Variants in PPP1R1C observed in about 807,000 individuals in gnomAD.
PPP1R1C encodes protein phosphatase 1 regulatory subunit 1C.
A neutral mutation model predicts 17.4 loss-of-function variants in PPP1R1C; 15 were observed. The ratio of observed to expected loss-of-function variants is 0.86; its 90% CI spans 0.58 to 1.33. PPP1R1C has a LOEUF of 1.33. Among genes scored for constraint, PPP1R1C ranks in the 40% most tolerant of loss-of-function variants. The pLI is 0.00. For synonymous variants in PPP1R1C, 35 were observed against 43.1 expected (o/e 0.81, Z 0.73); for missense variants, 143 against 130.0 (o/e 1.10, Z -0.48).
chr2:182,041,819 A>G (rs2125179957), intron 2 of PPP1R1C, among the ~76,000 whole-genome samples: 1 of 152,250 alleles, frequency 6.6e-6, no homozygotes, highest in Middle Eastern at 3.4e-3. Context: ...ACAAAATGTC[A>G]TCATGTTTGC....
chr2:182,020,108 T>C (rs16822346), intron 2 of PPP1R1C, among the ~76,000 whole-genome samples: 8,563 of 152,288 alleles, frequency 0.056, 832 homozygotes, highest in African/African-American at 0.19. Context: ...AGGAGATTGC[T>C]GATGACTGTA....
chr2:182,116,005 C>T (rs550132329), intron 4 of PPP1R1C, among the ~76,000 whole-genome samples: 1 of 152,184 alleles, frequency 6.6e-6, no homozygotes, highest in Admixed American at 6.5e-5. Context: ...CAGAAAGTTT[C>T]AGCTACTCTG....
intron 4 of PPP1R1C, among the ~76,000 whole-genome samples, chr2:182,084,675 A>G (rs1275266556): frequency 6.6e-6 from 1 of 152,160 alleles, no homozygotes; most frequent in Non-Finnish European, 1.5e-5. Context: ...GCCTTGTAGT[A>G]TAATTTGAAG....
At chr2:182,064,183 G>A (rs1467514814) in intron 4 of PPP1R1C, 2 of 202,236 alleles carry the variant, frequency 9.9e-6, no homozygotes, top group African/African-American at 2.3e-5. Context: ...ATTTCAGGGA[G>A]ACTGAGGATG....
At chr2:182,088,533 G>A (rs1313429462) in intron 4 of PPP1R1C, among the ~76,000 whole-genome samples, 1 of 152,190 alleles carries the variant, frequency 6.6e-6, no homozygotes, top group African/African-American at 2.4e-5. Context: ...ATCAGAGTTT[G>A]TGGGTAGCAG....
chr2:182,045,964 T>G (rs552471459), intron 2 of PPP1R1C, among the ~76,000 whole-genome samples: 1 of 152,272 alleles, frequency 6.6e-6, no homozygotes, highest in Non-Finnish European at 1.5e-5. Flanking sequence ...ATATTTAAAA[T>G]ATACAACATG....
intron 4 of PPP1R1C, among the ~76,000 whole-genome samples, chr2:182,107,265 G>A (rs1226964138): frequency 4.6e-5 from 7 of 151,912 alleles, no homozygotes; most frequent in South Asian, 4.2e-4. Context: ...AAGTAGAGAC[G>A]TCAGAATTTG....
chr2:182,040,264 C>G (rs1295779623), intron 2 of PPP1R1C, among the ~76,000 whole-genome samples: 1 of 152,200 alleles, frequency 6.6e-6, no homozygotes, highest in East Asian at 1.9e-4. Context: ...GTTTACATCC[C>G]CACCAGCAGT....
chr2:181,967,130 G>A lies in PPP1R1C; in HGVS notation n.112-8089G>A, dbSNP rs1684918028. ...GTCTCTAATCATCCTTTGAATTTCT[G>A]TGTTATTTGTTGTAATGTCTTCTTT... On this transcript the variant is annotated intron_variant and non_coding_transcript_variant, in intron 1 of 5. Transcript: ENST00000464264. The surrounding 1 kb of genome is among the most constrained non-coding windows in gnomAD (Gnocchi z 5.5). 6.6e-6 allele frequency among the ~76,000 whole-genome samples: 1 copy of A among 152,100 alleles called. No individual in the cohort carries two copies. The highest frequency in any genetic ancestry group is 6.5e-5 in the Admixed American group (1 of 15,282).
chr2:182,050,987 C>A (rs1171972990), intron 2 of PPP1R1C, among the ~76,000 whole-genome samples: 17 of 152,218 alleles, frequency 1.1e-4, no homozygotes, highest in African/African-American at 4.1e-4. Context: ...CAGACAAAAA[C>A]AAAACAACAG....
At chr2:181,988,759 A>AG (rs1323121093) in intron 2 of PPP1R1C, among the ~76,000 whole-genome samples, 5 of 152,220 alleles carry the variant, frequency 3.3e-5, no homozygotes, top group Non-Finnish European at 7.3e-5. Context: ...AGGGTGAAAT[A>AG]GTCCTTGACT....
Position 181,957,853 on chromosome 2 carries a change from A to G in PPP1R1C, n.111+3219A>G, listed in dbSNP as rs1684697126. Among the ~76,000 whole-genome samples, 1 of 152,184 alleles carries G rather than the reference A, an allele frequency of 6.6e-6. No homozygotes were observed. Among genetic ancestry groups the G allele is most frequent in the Non-Finnish European group, 1.5e-5 (1 of 68,036 alleles). Reference sequence around the variant, plus strand: ...GGATGACTGCATTGCTAATCTTGCCATTGCATTTCGCTAAAGTGCAAATAA... The same window carrying G: ...GGATGACTGCATTGCTAATCTTGCCGTTGCATTTCGCTAAAGTGCAAATAA... On this transcript the variant is annotated intron_variant and non_coding_transcript_variant, in intron 1 of 5. Coordinates refer to the PPP1R1C transcript ENST00000464264. The surrounding 1 kb of genome is among the most constrained non-coding windows in gnomAD (Gnocchi z 4.2).
chr2:181,977,070 G>T (rs1395776595), intron 2 of PPP1R1C, among the ~76,000 whole-genome samples: 1 of 141,516 alleles, frequency 7.1e-6, no homozygotes, highest in Non-Finnish European at 1.5e-5. Context: ...CCAGGTGGAG[G>T]TTGCAGTGAG....
intron 4 of PPP1R1C, among the ~76,000 whole-genome samples, chr2:182,066,261 C>A (rs1687979572): frequency 6.6e-6 from 1 of 152,074 alleles, no homozygotes; most frequent in Non-Finnish European, 1.5e-5. Context: ...GAAACTAATA[C>A]AGTACTGTCA....
At chr2:182,025,221 ATTATAC>A (rs1426782844) in intron 2 of PPP1R1C, among the ~76,000 whole-genome samples, 1 of 147,576 alleles carries the variant, frequency 6.8e-6, no homozygotes, top group African/African-American at 2.5e-5. Context: ...ATTTATTTTT[ATTATAC>A]TTTAAGTTTT....
At chr2:182,119,476 A>G (rs369378612), downstream of PPP1R1C, among the ~76,000 whole-genome samples, 4 of 152,316 alleles carry the variant, frequency 2.6e-5, no homozygotes, top group South Asian at 4.1e-4. Context: ...CTGAGGAATC[A>G]CCACACTGAC....
chr2:182,002,927 A>ACCCC (rs200353111), intron 2 of PPP1R1C, among the ~76,000 whole-genome samples: 226 of 90,890 alleles, frequency 2.5e-3, no homozygotes, highest in Non-Finnish European at 3.9e-3. Context: ...GATGCCATAA[A>ACCCC]CCTCCCCCCC....
chr2:182,117,520 A>C lies in PPP1R1C; in HGVS notation c.*225A>C. On this transcript the variant is annotated 3_prime_UTR_variant, in exon 5 of 5. Transcript: ENST00000682840. The stretch of plus-strand genomic sequence containing the variant: ...ATTAAAGAATAAGCATTTATTTTAC[A>C]GTGATTCTTCTTTTTAACTATGTAA... 1 of 420,528 alleles carries C rather than the reference A, an allele frequency of 2.4e-6. No homozygotes were observed. Among genetic ancestry groups the C allele is most frequent in the Non-Finnish European group, 4.3e-6 (1 of 233,486 alleles). 26.0% of individuals were successfully genotyped at this position (420,528 alleles called of 1,614,324 possible).
At chr2:182,054,401 A>G (rs897075835) in intron 2 of PPP1R1C, among the ~76,000 whole-genome samples, 4 of 152,162 alleles carry the variant, frequency 2.6e-5, no homozygotes, top group Non-Finnish European at 5.9e-5. Context: ...TTCCATCACC[A>G]CAAAGATCTC....
Sources: allele counts gnomAD v4.1 joint callset (sites outside exome capture counted in the v4.1 genomes callset), GRCh38; gene constraint gnomAD v4.1.1; non-coding constraint Gnocchi (gnomAD v3.1); transcripts MANE v1.5; gene names NCBI Gene and HGNC (gene_info 2026-07-23, HGNC 2026-07-21).